FBXW7: variants seen among roughly 807,000 people sequenced by gnomAD.
The protein encoded by FBXW7 is F-box/WD repeat-containing protein 7.
A neutral mutation model predicts 86.3 loss-of-function variants in FBXW7; 11 were observed. That is an observed-to-expected ratio of 0.13 (90% CI 0.08 to 0.21). The LOEUF is 0.21. FBXW7 is among the 10% of genes least tolerant of loss of function. The pLI is 1.00. For synonymous variants in FBXW7, 313 were observed against 297.9 expected (o/e 1.05, Z -0.52); for missense variants, 488 against 847.4 (o/e 0.58, Z 5.27).
intron 2 of FBXW7, among the ~76,000 whole-genome samples, chr4:152,507,955 C>T (rs1036618727): frequency 6.6e-6 from 1 of 151,706 alleles, no homozygotes; most frequent in Non-Finnish European, 1.5e-5. Context: ...GTAGTCCTAG[C>T]TACTCCGGAG....
intron 12 of FBXW7, chr4:152,324,667 C>T (rs1366328136): frequency 2.4e-5 from 9 of 368,610 alleles, no homozygotes; most frequent in Non-Finnish European, 4.0e-5. Context: ...AAACAAAGCA[C>T]CTAAAATGAA....
chr4:152,429,376 T>TG (rs1032524942), intron 2 of FBXW7, among the ~76,000 whole-genome samples: 11 of 7,058 alleles, frequency 1.6e-3, no homozygotes, highest in African/African-American at 5.8e-3. Context: ...AGTTGGGTGG[T>TG]GGGGGGCGGC....
At chr4:152,499,025 T>C (rs1449330189) in intron 2 of FBXW7, among the ~76,000 whole-genome samples, 3 of 152,170 alleles carry the variant, frequency 2.0e-5, no homozygotes. Flanking sequence ...AAAATAAATT[T>C]ATTAATATAT....
At chr4:152,360,539 T>A (rs1486782911) in intron 4 of FBXW7, among the ~76,000 whole-genome samples, 2 of 151,918 alleles carry the variant, frequency 1.3e-5, no homozygotes, top group African/African-American at 2.4e-5. Context: ...CTAAGAAAAT[T>A]TTCATCTTGT....
chr4:152,492,280 A>T (rs1745932601), intron 2 of FBXW7, among the ~76,000 whole-genome samples: 1 of 152,204 alleles, frequency 6.6e-6, no homozygotes, highest in South Asian at 2.1e-4. Context: ...ATTTTTAGTC[A>T]TTAATCCTAT....
At chr4:152,378,620 A>G (rs1734775879) in intron 4 of FBXW7, among the ~76,000 whole-genome samples, 1 of 152,232 alleles carries the variant, frequency 6.6e-6, no homozygotes, top group South Asian at 2.1e-4. Flanking sequence ...ATTTTAAGAG[A>G]ATATTCTAAA....
At chr4:152,437,919 A>G (rs888848990) in intron 2 of FBXW7, among the ~76,000 whole-genome samples, 2 of 152,200 alleles carry the variant, frequency 1.3e-5, no homozygotes, top group Admixed American at 6.5e-5. Context: ...TCACGCTTGT[A>G]ATCTCAGCAC....
At chr4:152,429,799 T>C (rs1001729669) in intron 2 of FBXW7, among the ~76,000 whole-genome samples, 1 of 152,218 alleles carries the variant, frequency 6.6e-6, no homozygotes, top group African/African-American at 2.4e-5. Flanking sequence ...TGGTATGTAG[T>C]AGGCATTCTG....
chr4:152,353,336 A>G (rs1732044827), intron 4 of FBXW7, among the ~76,000 whole-genome samples: 1 of 152,214 alleles, frequency 6.6e-6, no homozygotes, highest in South Asian at 2.1e-4. Context: ...TGGAGCCGAC[A>G]GCATTTGCAG....
At chr4:152,408,620 AG>A (rs1417533170) in intron 4 of FBXW7, among the ~76,000 whole-genome samples, 2 of 152,218 alleles carry the variant, frequency 1.3e-5, no homozygotes, top group African/African-American at 4.8e-5. Context: ...TCCTTTCTAT[AG>A]GGTAGCTCTT....
intron 4 of FBXW7, 86 bp downstream of exon 4, chr4:152,411,217 A>G (rs2126875037): frequency 1.4e-6 from 2 of 1,412,976 alleles, no homozygotes; most frequent in East Asian, 2.4e-5. Context: ...AATTTTTAGT[A>G]ATACAAAGAC....
rs553511422 is a variant in FBXW7 at position 152,506,251 on chromosome 4, C to T, written c.-120+28690G>A. 5.3e-5 allele frequency among the ~76,000 whole-genome samples: 8 copies of T among 152,206 alleles called. No individual in the cohort carries two copies. The South Asian group carries it at 1.7e-3, about 32-fold the overall frequency. The stretch of plus-strand genomic sequence containing the variant: ...GGTTCCCGTCATTCTCCTGCCTCAG[C>T]CTCCTGAGTAGCTGGGACTACAGGT... On this transcript the variant is annotated intron_variant, in intron 2 of 13. Transcript: ENST00000281708.
chr4:152,433,810 CT>C (rs34864411), intron 2 of FBXW7, among the ~76,000 whole-genome samples: 1 of 152,036 alleles, frequency 6.6e-6, no homozygotes, highest in South Asian at 2.1e-4. Flanking sequence ...ATTCACTATG[CT>C]TTCTAGTTCA....
chr4:152,463,607 A>G (rs1393583436), intron 2 of FBXW7, among the ~76,000 whole-genome samples: 1 of 152,236 alleles, frequency 6.6e-6, no homozygotes, highest in Admixed American at 6.5e-5. Context: ...TTCATGATTC[A>G]AAAAGCATTT....
chr4:152,392,763 T>C (rs1736103380), intron 4 of FBXW7, among the ~76,000 whole-genome samples: 1 of 152,134 alleles, frequency 6.6e-6, no homozygotes, highest in Non-Finnish European at 1.5e-5. Context: ...GTAACAGGAA[T>C]GGAAAGGACA....
intron 2 of FBXW7, among the ~76,000 whole-genome samples, chr4:152,494,471 AT>A (rs961801890): frequency 3.3e-5 from 5 of 152,092 alleles, no homozygotes; most frequent in South Asian, 2.1e-4. Flanking sequence ...TGAATTTATA[AT>A]TTTTTTTAAA....
At chr4:152,458,113 G>A (rs112782592) in intron 2 of FBXW7, among the ~76,000 whole-genome samples, 2,093 of 152,106 alleles carry the variant, frequency 0.014, 13 homozygotes, top group Non-Finnish European at 0.023. Flanking sequence ...TCTGCCTCCC[G>A]GGTTCAAGAG....
intron 2 of FBXW7, among the ~76,000 whole-genome samples, chr4:152,415,553 T>C (rs1237311813): frequency 6.6e-6 from 1 of 152,116 alleles, no homozygotes; most frequent in East Asian, 1.9e-4. Flanking sequence ...AATAATTTAT[T>C]AATTACTATG....
chr4:152,424,922 A>G (rs1282932961), intron 2 of FBXW7, among the ~76,000 whole-genome samples: 1 of 152,230 alleles, frequency 6.6e-6, no homozygotes, highest in Non-Finnish European at 1.5e-5. Context: ...TCTGCAGGTC[A>G]CTGGTTGAGA....
Sources: allele counts gnomAD v4.1 joint callset (sites outside exome capture counted in the v4.1 genomes callset), GRCh38; gene constraint gnomAD v4.1.1; transcripts MANE v1.5; gene names NCBI Gene and HGNC (gene_info 2026-07-23, HGNC 2026-07-21).